The following LRBA variants were observed in gnomAD, a reference collection of about 807,000 sequenced individuals.
The protein encoded by LRBA is lipopolysaccharide-responsive and beige-like anchor protein.
A neutral mutation model predicts 330.0 loss-of-function variants in LRBA; 176 were observed. The observed-to-expected ratio is 0.53, with a 90% CI of 0.47 to 0.60. LRBA has a LOEUF of 0.60. Ranked by LOEUF, LRBA falls within the 20% of genes least tolerant of loss-of-function variation. LRBA has a pLI of 0.00. For missense variants in LRBA, 3,259 were observed against 3,444.8 expected, an observed-to-expected ratio of 0.95 and a Z score of 1.35; for synonymous variants, 1,230 against 1,193.0, an observed-to-expected ratio of 1.03 and a Z score of -0.64.
In LRBA at chr4:150,454,938, T is replaced by C. The variant is rs1753852278; in HGVS notation, c.6780+12735A>G. 2.1e-5 allele frequency among the ~76,000 whole-genome samples: 3 copies of C among 140,888 alleles called. No homozygotes were observed. In the South Asian group the frequency reaches 6.7e-4, roughly 32 times the overall value. 92.4% of individuals were successfully genotyped at this position (140,888 alleles called of 152,430 possible). ...AATTTTTTTGGTGTTCAGTGTTTTT[T>C]ATTTTTTTTTATTGCTTACTCCAGT... On this transcript the variant is annotated intron_variant, in intron 44 of 56. Transcript: ENST00000651943.
chr4:150,346,619 C>T (rs990068043), intron 48 of LRBA, among the ~76,000 whole-genome samples: 10 of 151,558 alleles, frequency 6.6e-5, no homozygotes, highest in African/African-American at 2.4e-4. Flanking sequence ...ATTAGCCGGG[C>T]ATGGTGGTGC....
chr4:150,549,634 T>C (rs1320152750), intron 40 of LRBA, among the ~76,000 whole-genome samples: 1 of 152,170 alleles, frequency 6.6e-6, no homozygotes, highest in Non-Finnish European at 1.5e-5. Flanking sequence ...CCCAGCCTCA[T>C]TTGTCACTTT....
intron 40 of LRBA, among the ~76,000 whole-genome samples, chr4:150,546,387 C>T (rs535943932): frequency 2.0e-5 from 3 of 152,292 alleles, no homozygotes; most frequent in South Asian, 2.1e-4. Context: ...TTTTTATTAG[C>T]GCTGCCCCTT....
At chr4:150,423,516 T>C (rs1467011463) in intron 46 of LRBA, 3 of 470,532 alleles carry the variant, frequency 6.4e-6, no homozygotes, top group South Asian at 2.2e-5. Flanking sequence ...CTGGGTGTCC[T>C]GGAGCCACAG....
At chr4:150,921,688 G>A (rs373793815) in intron 4 of LRBA, among the ~76,000 whole-genome samples, 5 of 151,944 alleles carry the variant, frequency 3.3e-5, no homozygotes, top group Admixed American at 6.6e-5. Flanking sequence ...TTCACCAGCT[G>A]AGTAGCTGGG....
chr4:150,481,835 G>C (rs1757336645), intron 42 of LRBA, among the ~76,000 whole-genome samples: 1 of 152,036 alleles, frequency 6.6e-6, no homozygotes, highest in African/African-American at 2.4e-5. Context: ...ACTCACAGTT[G>C]ATGGACATCA....
intron 34 of LRBA, among the ~76,000 whole-genome samples, chr4:150,767,193 A>T (rs1735873967): frequency 1.3e-5 from 2 of 152,326 alleles, no homozygotes; most frequent in South Asian, 4.1e-4. Context: ...ATGCATTCAA[A>T]TTATTGTAAT....
At chr4:150,691,024 G>A (rs1489978196) in intron 36 of LRBA, among the ~76,000 whole-genome samples, 1 of 150,292 alleles carries the variant, frequency 6.7e-6, no homozygotes, top group Non-Finnish European at 1.5e-5. Context: ...CCGCCTCCCA[G>A]GTTCACGCCA....
intron 40 of LRBA, among the ~76,000 whole-genome samples, chr4:150,517,695 T>C (rs1177712801): frequency 2.0e-5 from 3 of 152,146 alleles, no homozygotes; most frequent in Non-Finnish European, 4.4e-5. Flanking sequence ...ACATATAAAA[T>C]CTGAATGATA....
At chr4:150,606,028 T>C (rs1774586872) in intron 37 of LRBA, among the ~76,000 whole-genome samples, 1 of 152,190 alleles carries the variant, frequency 6.6e-6, no homozygotes, top group Admixed American at 6.5e-5. Flanking sequence ...AATCAAATTT[T>C]ATGTAATTAG....
intron 2 of LRBA, among the ~76,000 whole-genome samples, chr4:150,968,518 C>T (rs1453909200): frequency 6.6e-6 from 1 of 152,168 alleles, no homozygotes; most frequent in Non-Finnish European, 1.5e-5. Context: ...TCAGTCACAA[C>T]GTTCCCTTAG....
chr4:150,409,322 C>G (rs746240454), intron 47 of LRBA, among the ~76,000 whole-genome samples: 1 of 152,084 alleles, frequency 6.6e-6, no homozygotes, highest in East Asian at 1.9e-4. Context: ...CAATAAATTT[C>G]TGTTGTTTCT....
chr4:150,788,158 C>T (rs1384687310), intron 34 of LRBA, among the ~76,000 whole-genome samples: 2 of 151,796 alleles, frequency 1.3e-5, no homozygotes, highest in African/African-American at 4.8e-5. Context: ...CTGCAACCTC[C>T]GTCTCTCAGG....
At chr4:150,784,612 A>T (rs1236213054) in intron 34 of LRBA, among the ~76,000 whole-genome samples, 1 of 152,146 alleles carries the variant, frequency 6.6e-6, no homozygotes, top group East Asian at 1.9e-4. Flanking sequence ...CACCTCCTCC[A>T]GCCTCTACAT....
chr4:150,951,469 C>G (rs1736829221), intron 2 of LRBA, among the ~76,000 whole-genome samples: 1 of 151,898 alleles, frequency 6.6e-6, no homozygotes, highest in Non-Finnish European at 1.5e-5. Flanking sequence ...GATCAGAGAT[C>G]AGAATGTGTC....
chr4:150,583,042 C>T lies in LRBA; in HGVS notation c.6330+5006G>A. 1 of 1,597,800 alleles carries T rather than the reference C, an allele frequency of 6.3e-7. No homozygotes were observed. The highest frequency in any genetic ancestry group is 1.1e-5 in the South Asian group (1 of 89,330). On this transcript the variant is annotated intron_variant, in intron 40 of 56. Transcript: ENST00000651943. The surrounding 1 kb of genome is among the most constrained non-coding windows in gnomAD (Gnocchi z 9.8). Reference sequence around the variant, plus strand: ...CCTGTGCCCCAACATGATCGCCGCTCAGGCCAAGCTGGTTTACCAGCTCAA... The same window carrying T: ...CCTGTGCCCCAACATGATCGCCGCTTAGGCCAAGCTGGTTTACCAGCTCAA...
intron 42 of LRBA, among the ~76,000 whole-genome samples, chr4:150,482,532 T>C (rs7688410): frequency 0.39 from 58,815 of 151,850 alleles, 12,439 homozygotes; most frequent in South Asian, 0.5. Context: ...TATATTTTCA[T>C]TCCTCTAGGG....
chr4:150,656,591 C>G (rs779519507), intron 37 of LRBA, among the ~76,000 whole-genome samples: 4 of 152,164 alleles, frequency 2.6e-5, no homozygotes, highest in Non-Finnish European at 5.9e-5. Context: ...CTACTCAGAA[C>G]AACACAGTCT....
At chr4:150,834,342 C>A (rs1224316715) in intron 28 of LRBA, among the ~76,000 whole-genome samples, 1 of 152,086 alleles carries the variant, frequency 6.6e-6, no homozygotes, top group African/African-American at 2.4e-5. Context: ...AAATGTATGT[C>A]TTAAATAATA....
Sources: gnomAD v4.1 joint callset for allele counts (sites outside exome capture counted in the v4.1 genomes callset) on GRCh38, gnomAD v4.1.1 for gene constraint, Gnocchi (gnomAD v3.1) non-coding constraint, MANE v1.5 for transcripts, NCBI Gene and HGNC (gene_info 2026-07-23, HGNC 2026-07-21) for gene names.